AK5: variants seen among roughly 807,000 people sequenced by gnomAD.
The protein encoded by AK5 is adenylate kinase 5.
AK5 carries 27 observed loss-of-function variants against 69.5 expected under a neutral mutation model. That is an observed-to-expected ratio of 0.39 (90% CI 0.29 to 0.54). The LOEUF (loss-of-function observed/expected upper bound fraction) is 0.54, where lower values mean the gene tolerates loss of function less well. Among genes scored for constraint, AK5 ranks in the 20% least tolerant of loss-of-function variants. The probability of loss-of-function intolerance (pLI) is 0.71; values close to 1 mark genes in which losing one functional copy is unlikely to be tolerated. For synonymous variants in AK5, 260 were observed against 244.4 expected, an observed-to-expected ratio of 1.06 and a Z score of -0.60; for missense variants, 531 against 700.4, an observed-to-expected ratio of 0.76 and a Z score of 2.73.
intron 8 of AK5, among the ~76,000 whole-genome samples, chr1:77,431,652 T>C (rs1353726): frequency 0.029 from 4,395 of 152,256 alleles, 195 homozygotes; most frequent in African/African-American, 0.1. Context: ...AAGAGTGCTA[T>C]CTCTTGGTTT....
intron 10 of AK5, among the ~76,000 whole-genome samples, chr1:77,498,559 C>T (rs117649286): frequency 6.6e-6 from 1 of 152,300 alleles, no homozygotes; most frequent in East Asian, 1.9e-4. Flanking sequence ...ACTCACTGTT[C>T]CTCAGTTTCT....
At chr1:77,306,151 C>T (rs1472683752) in intron 5 of AK5, among the ~76,000 whole-genome samples, 1 of 152,204 alleles carries the variant, frequency 6.6e-6, no homozygotes, top group East Asian at 1.9e-4. Flanking sequence ...GCATCCTTGT[C>T]ATGTTTCCAA....
chr1:77,399,695 C>T (rs1649074731), intron 6 of AK5, among the ~76,000 whole-genome samples: 1 of 152,122 alleles, frequency 6.6e-6, no homozygotes, highest in African/African-American at 2.4e-5. Flanking sequence ...TGGAAGGAGG[C>T]TAGGCCCACT....
At chr1:77,516,828 A>G (rs569461133) in intron 10 of AK5, among the ~76,000 whole-genome samples, 1 of 152,230 alleles carries the variant, frequency 6.6e-6, no homozygotes, top group East Asian at 1.9e-4. Context: ...CCAGCATTTC[A>G]GGAGGCTGAG....
intron 5 of AK5, among the ~76,000 whole-genome samples, chr1:77,308,449 A>C (rs113333701): frequency 7.5e-4 from 81 of 108,724 alleles, no homozygotes; most frequent in Admixed American, 9.6e-4. Context: ...AAAAAAAAAA[A>C]AAAAAAAAAT....
intron 8 of AK5, among the ~76,000 whole-genome samples, chr1:77,437,237 T>G (rs1294575575): frequency 6.6e-6 from 1 of 152,124 alleles, no homozygotes; most frequent in Non-Finnish European, 1.5e-5. Context: ...ACATACTTGA[T>G]TGAAGTGCTT....
intron 3 of AK5, among the ~76,000 whole-genome samples, chr1:77,296,755 C>T (rs1174439246): frequency 6.6e-6 from 1 of 152,138 alleles, no homozygotes; most frequent in Non-Finnish European, 1.5e-5. Context: ...CCAAAACTTA[C>T]TTTTGATTTA....
At chr1:77,458,711 G>A (rs1045181310) in intron 8 of AK5, among the ~76,000 whole-genome samples, 3 of 152,132 alleles carry the variant, frequency 2.0e-5, no homozygotes, top group Non-Finnish European at 4.4e-5. Flanking sequence ...CCCACCCCCA[G>A]GATTCAATTA....
In AK5 at chr1:77,354,253, G is replaced by T. The variant is rs534207135; in HGVS notation, c.891+13685G>T. On this transcript the variant is annotated intron_variant, in intron 6 of 13. Transcript: ENST00000354567. The stretch of plus-strand genomic sequence containing the variant: ...CAACCCCACTGAGGAATTTAATTTA[G>T]CTTAGTATAAAATAATCTACAAATA... Among the ~76,000 whole-genome samples, 43 of 152,240 alleles carry T rather than the reference G, an allele frequency of 2.8e-4. 1 individual carries two copies. The East Asian group carries it at 2.9e-3, about 10-fold the overall frequency.
chr1:77,477,242 A>C (rs1479483214), intron 8 of AK5, among the ~76,000 whole-genome samples: 1 of 152,144 alleles, frequency 6.6e-6, no homozygotes. Flanking sequence ...TGCCCAGGCT[A>C]GTCTCAAACT....
At chr1:77,415,457 A>C (rs1416329084) in intron 7 of AK5, among the ~76,000 whole-genome samples, 1 of 152,320 alleles carries the variant, frequency 6.6e-6, no homozygotes, top group East Asian at 1.9e-4. Context: ...TTTGAATCCA[A>C]TAGCTATCAC....
intron 5 of AK5, among the ~76,000 whole-genome samples, chr1:77,300,074 A>G (rs927145168): frequency 1.3e-5 from 2 of 152,172 alleles, no homozygotes; most frequent in African/African-American, 4.8e-5. Flanking sequence ...TCAGAAAGCT[A>G]AGGTGGTGTA....
intron 8 of AK5, among the ~76,000 whole-genome samples, chr1:77,432,163 C>T: frequency 6.6e-6 from 1 of 152,148 alleles, no homozygotes. Flanking sequence ...ACATTTCCCC[C>T]CTTTTGATCA....
At chr1:77,336,374 C>G (rs1158710051) in intron 5 of AK5, among the ~76,000 whole-genome samples, 1 of 152,156 alleles carries the variant, frequency 6.6e-6, no homozygotes, top group Non-Finnish European at 1.5e-5. Context: ...GCCACTGTAC[C>G]TGGCCATAAC....
chr1:77,294,049 A>G, intron 3 of AK5, 89 bp downstream of exon 3: 2 of 1,183,136 alleles, frequency 1.7e-6, no homozygotes, highest in South Asian at 1.5e-5. Flanking sequence ...ATATGTGCAA[A>G]TAGTTGGATA....
intron 6 of AK5, among the ~76,000 whole-genome samples, chr1:77,384,634 A>G (rs564051129): frequency 6.5e-4 from 99 of 152,294 alleles, no homozygotes; most frequent in Admixed American, 1.3e-3. Flanking sequence ...CAGAAGAGAA[A>G]ATAAGGAAAA....
At chr1:77,460,085 A>G (rs1653739844) in intron 8 of AK5, among the ~76,000 whole-genome samples, 1 of 152,188 alleles carries the variant, frequency 6.6e-6, no homozygotes, top group Admixed American at 6.6e-5. Context: ...CTGAACTTGC[A>G]CAAGAATGCA....
At chr1:77,304,641 G>T (rs1307705174) in intron 5 of AK5, among the ~76,000 whole-genome samples, 1 of 152,036 alleles carries the variant, frequency 6.6e-6, no homozygotes, top group Non-Finnish European at 1.5e-5. Context: ...CAGACCTCGG[G>T]TGATCCACCC....
chr1:77,395,625 G>A (rs1359999303), intron 6 of AK5, among the ~76,000 whole-genome samples: 5 of 152,200 alleles, frequency 3.3e-5, no homozygotes, highest in African/African-American at 1.2e-4. Context: ...GAGTGAAGCT[G>A]CATCTTTGCA....
Sources: gnomAD v4.1 joint callset for allele counts (sites outside exome capture counted in the v4.1 genomes callset) on GRCh38, gnomAD v4.1.1 for gene constraint, MANE v1.5 for transcripts, NCBI Gene and HGNC (gene_info 2026-07-23, HGNC 2026-07-21) for gene names.